The following PDE12 variants were observed in gnomAD, a reference collection of about 807,000 sequenced individuals.
PDE12 encodes phosphodiesterase 12.
PDE12 carries 26 observed loss-of-function variants against 45.4 expected under a neutral mutation model. That is an observed-to-expected ratio of 0.57 (90% confidence interval 0.42 to 0.79). The LOEUF is 0.79. Among genes scored for constraint, PDE12 ranks in the 30% least tolerant of loss-of-function variants. The pLI, the probability that PDE12 is intolerant of heterozygous loss-of-function variation, is 0.00. For synonymous variants in PDE12, 283 were observed against 323.9 expected (o/e 0.87, Z 1.36); for missense variants, 668 against 790.0 (o/e 0.85, Z 1.85).
chr3:57,557,281 A>G lies in PDE12; in HGVS notation c.902A>G (p.Asn301Ser), dbSNP rs1220415396. Residue 301 changes from asparagine (N) to serine (S), a missense_variant, in exon 1 of 3, where the codon AAC becomes AGC. Coordinates refer to ENST00000311180, the MANE Select transcript of PDE12 (RefSeq NM_177966.7). ...EDALIRTVSY[N>S]ILADTYAQTE... is the part of the protein sequence containing the mutation. ...GCTCTCATCCGCACTGTCTCTTACAACATCCTGGCAGACACGTACGCGCAG... is the reference window on the plus strand; with the variant it reads ...GCTCTCATCCGCACTGTCTCTTACAGCATCCTGGCAGACACGTACGCGCAG... 1 of 1,613,952 alleles carries G rather than the reference A, an allele frequency of 6.2e-7. No individual in the cohort carries two copies. The highest frequency in any genetic ancestry group is 8.5e-7 in the Non-Finnish European group (1 of 1,180,024).
the PDE12 span, among the ~76,000 whole-genome samples, chr3:57,618,110 C>G: frequency 6.6e-6 from 1 of 151,988 alleles, no homozygotes; most frequent in South Asian, 2.1e-4. Context: ...AAGATGGGAA[C>G]AATAAACACT....
chr3:57,601,130 T>C, the PDE12 span, among the ~76,000 whole-genome samples: 1 of 144,588 alleles, frequency 6.9e-6, no homozygotes, highest in African/African-American at 2.5e-5. Flanking sequence ...TATTTTATTT[T>C]ATTTTTTTTT....
chr3:57,606,585 T>C, the PDE12 span, among the ~76,000 whole-genome samples: 1 of 152,142 alleles, frequency 6.6e-6, no homozygotes, highest in Non-Finnish European at 1.5e-5. Flanking sequence ...CTTTTTAATT[T>C]AAAACTTTTT....
the PDE12 span, among the ~76,000 whole-genome samples, chr3:57,588,991 A>G: frequency 6.6e-6 from 1 of 151,450 alleles, no homozygotes; most frequent in African/African-American, 2.4e-5. Flanking sequence ...AATCCCAGCT[A>G]CTCGGGAGGC....
the PDE12 span, among the ~76,000 whole-genome samples, chr3:57,605,590 A>G: frequency 5.9e-5 from 9 of 152,208 alleles, no homozygotes; most frequent in Non-Finnish European, 1.3e-4. Flanking sequence ...ATTATTTCCC[A>G]GTCATTTAAC....
chr3:57,645,719 G>T, the PDE12 span: 3 of 1,613,486 alleles, frequency 1.9e-6, no homozygotes, highest in Non-Finnish European at 2.5e-6. Context: ...GTGAAATAAG[G>T]TCGGAAATCA....
the PDE12 span, among the ~76,000 whole-genome samples, chr3:57,639,773 G>A: frequency 1.3e-5 from 2 of 150,576 alleles, no homozygotes; most frequent in African/African-American, 5.0e-5. Flanking sequence ...GAAGCCCTTT[G>A]CTTTTTCCTC....
the PDE12 span, chr3:57,631,106 C>T: frequency 1.4e-6 from 1 of 733,484 alleles, no homozygotes; most frequent in African/African-American, 1.8e-5. Context: ...AACTCCATCA[C>T]TCCCCACAAG....
At chr3:57,582,304 G>A in the PDE12 span, among the ~76,000 whole-genome samples, 1 of 151,524 alleles carries the variant, frequency 6.6e-6, no homozygotes, top group Non-Finnish European at 1.5e-5. Flanking sequence ...GTGCAATGGT[G>A]TGATCTCGGC....
chr3:57,600,488 C>G, the PDE12 span, among the ~76,000 whole-genome samples: 3 of 150,268 alleles, frequency 2.0e-5, no homozygotes, highest in Non-Finnish European at 3.0e-5. Flanking sequence ...CTCTCCCTTC[C>G]CCTCCCCTCC....
chr3:57,634,658 C>A, the PDE12 span: 1 of 1,490,512 alleles, frequency 6.7e-7, no homozygotes, highest in Admixed American at 2.3e-5. Flanking sequence ...CAAAAAAACC[C>A]AAGTACCATA....
chr3:57,588,680 C>T, the PDE12 span, among the ~76,000 whole-genome samples: 1 of 140,882 alleles, frequency 7.1e-6, no homozygotes, highest in African/African-American at 2.7e-5. Context: ...ATGGAGAAAG[C>T]CCGTCTCTAC....
chr3:57,606,177 A>G, the PDE12 span, among the ~76,000 whole-genome samples: 1 of 152,164 alleles, frequency 6.6e-6, no homozygotes, highest in Non-Finnish European at 1.5e-5. Flanking sequence ...AATTATATCA[A>G]AGTGTATTGC....
the PDE12 span, among the ~76,000 whole-genome samples, chr3:57,598,574 G>A: frequency 2.0e-5 from 3 of 152,134 alleles, no homozygotes; most frequent in Non-Finnish European, 4.4e-5. Flanking sequence ...GAGGTCAGGA[G>A]ATCGAGACCA....
the PDE12 span, among the ~76,000 whole-genome samples, chr3:57,613,439 G>A: frequency 3.4e-4 from 51 of 151,568 alleles, no homozygotes; most frequent in African/African-American, 9.4e-4. Flanking sequence ...GATTACAAGC[G>A]CCTGCCACCG....
chr3:57,572,561 TTTAGA>T, the PDE12 span, among the ~76,000 whole-genome samples: 1 of 152,114 alleles, frequency 6.6e-6, no homozygotes, highest in Non-Finnish European at 1.5e-5. Context: ...TCTCTACTTT[TTTAGA>T]TTAAATTATT....
the PDE12 span, among the ~76,000 whole-genome samples, chr3:57,594,258 T>C: frequency 6.6e-6 from 1 of 152,102 alleles, no homozygotes; most frequent in African/African-American, 2.4e-5. Flanking sequence ...ACAGACGCTA[T>C]TGCTTTATTT....
chr3:57,607,932 T>C, the PDE12 span, among the ~76,000 whole-genome samples: 1 of 152,058 alleles, frequency 6.6e-6, no homozygotes, highest in Non-Finnish European at 1.5e-5. Context: ...AGACACATAA[T>C]TGTCAGATTC....
chr3:57,597,447 A>C, the PDE12 span: 3 of 240,254 alleles, frequency 1.2e-5, no homozygotes, highest in Non-Finnish European at 2.5e-5. Context: ...CGCGGACAGA[A>C]TCGCGTCACC....
Sources: gnomAD v4.1 joint callset for allele counts (sites outside exome capture counted in the v4.1 genomes callset) on GRCh38, gnomAD v4.1.1 for gene constraint, MANE v1.5 for transcripts, NCBI Gene and HGNC (gene_info 2026-07-23, HGNC 2026-07-21) for gene names.